Variants in CELF5 observed in about 807,000 individuals in gnomAD.
CELF5 encodes CUGBP Elav-like family member 5.
Under a neutral mutation model 54.9 loss-of-function variants are expected in CELF5, and 6 were observed. The ratio of observed to expected loss-of-function variants is 0.11; its 90% CI spans 0.06 to 0.22. The LOEUF is 0.22. Ranked by LOEUF, CELF5 falls within the 10% of genes least tolerant of loss-of-function variation. CELF5 has a pLI of 1.00. For synonymous variants in CELF5, 271 were observed against 290.9 expected (o/e 0.93, Z 0.70); for missense variants, 401 against 678.6 (o/e 0.59, Z 4.54).
intron 10 of CELF5, chr19:3,286,760 C>T (rs1376852292): frequency 7.3e-6 from 1 of 136,920 alleles, no homozygotes; most frequent in Non-Finnish European, 1.5e-5. Flanking sequence ...AAAGGCCGGG[C>T]ACGGTGGCTC....
chr19:3,245,899 CTAACA>C (rs1370154799), intron 1 of CELF5, among the ~76,000 whole-genome samples: 1 of 152,156 alleles, frequency 6.6e-6, no homozygotes, highest in Non-Finnish European at 1.5e-5. Flanking sequence ...ACCTTAATGA[CTAACA>C]TTTAAAAGGT....
chr19:3,255,786 C>T (rs2079716256), intron 2 of CELF5, among the ~76,000 whole-genome samples: 1 of 152,082 alleles, frequency 6.6e-6, no homozygotes, highest in Non-Finnish European at 1.5e-5. Flanking sequence ...GAAGGTGGGT[C>T]AGGCGCGGTG....
chr19:3,257,127 A>T (rs2079739031), intron 2 of CELF5, among the ~76,000 whole-genome samples: 1 of 152,116 alleles, frequency 6.6e-6, no homozygotes, highest in Non-Finnish European at 1.5e-5. Flanking sequence ...AGTTCCATTT[A>T]GACAGGGTGG....
chr19:3,296,144 A>G (rs2080439542), intron 12 of CELF5: 1 of 150,264 alleles, frequency 6.7e-6, no homozygotes, highest in Non-Finnish European at 1.5e-5. Context: ...ACCACAATGG[A>G]TTTTTGTTTC....
intron 2 of CELF5, among the ~76,000 whole-genome samples, chr19:3,262,186 G>A (rs1370591049): frequency 2.6e-5 from 4 of 151,842 alleles, no homozygotes; most frequent in Middle Eastern, 3.4e-3. Flanking sequence ...AGGCACGCAC[G>A]CCCAGCTAAT....
intron 1 of CELF5, among the ~76,000 whole-genome samples, chr19:3,233,382 A>G (rs1331915074): frequency 6.6e-6 from 1 of 152,244 alleles, no homozygotes; most frequent in African/African-American, 2.4e-5. Context: ...GGTAGGAGAG[A>G]CTGACGATAA....
intron 1 of CELF5, among the ~76,000 whole-genome samples, chr19:3,249,505 C>T (rs959021497): frequency 6.6e-6 from 1 of 151,900 alleles, no homozygotes; most frequent in Non-Finnish European, 1.5e-5. Context: ...CCTCGCTTCC[C>T]ACCCTCCGAT....
intron 1 of CELF5, among the ~76,000 whole-genome samples, chr19:3,239,328 A>G (rs1379919271): frequency 6.6e-6 from 1 of 150,560 alleles, no homozygotes; most frequent in Non-Finnish European, 1.5e-5. Flanking sequence ...CAAACTCCTG[A>G]GCTCAAGCAA....
chr19:3,253,039 C>T (rs1240247190), intron 2 of CELF5, among the ~76,000 whole-genome samples: 1 of 151,826 alleles, frequency 6.6e-6, no homozygotes, highest in East Asian at 1.9e-4. Context: ...CCTGAATTCA[C>T]TGTTCATCTT....
intron 1 of CELF5, among the ~76,000 whole-genome samples, chr19:3,247,823 G>A (rs1170927578): frequency 6.6e-6 from 1 of 152,056 alleles, no homozygotes; most frequent in Non-Finnish European, 1.5e-5. Flanking sequence ...GTGCAGTGGC[G>A]TGATCTTGGC....
rs2080164660 is a variant in CELF5 at position 3,282,242 on chromosome 19, T to C, written c.867T>C (p.Pro289=). 1 of 1,613,150 alleles carries C rather than the reference T, an allele frequency of 6.2e-7. No homozygotes were observed. Among genetic ancestry groups the C allele is most frequent in the Admixed American group, 1.7e-5 (1 of 59,998 alleles). ...GCGCCGTCAGCCTCAACGGGCTGCC[T>C]GCCACACCCATCGCTCCTGCCTCTG... ...QIGAVSLNGL[P]ATPIAPASGL... The change falls in exon 7 of 13, where the codon CCT becomes CCC. Residue 289 remains proline, a synonymous_variant. Coordinates refer to ENST00000292672, the MANE Select transcript of CELF5 (RefSeq NM_021938.4). This position sits in a 1 kb window ranked among gnomAD's most constrained non-coding sequence, Gnocchi z 5.2.
At chr19:3,290,055 G>T (rs895520497) in intron 10 of CELF5, among the ~76,000 whole-genome samples, 176 bp from the exon 11 acceptor site, 9 of 152,094 alleles carry the variant, frequency 5.9e-5, no homozygotes, top group African/African-American at 1.9e-4. Flanking sequence ...CAAGGGGTGG[G>T]TGTGTCCCGT....
At chr19:3,249,863 C>T (rs931340432) in intron 1 of CELF5, among the ~76,000 whole-genome samples, 3 of 152,194 alleles carry the variant, frequency 2.0e-5, no homozygotes, top group Non-Finnish European at 4.4e-5. Flanking sequence ...GGCCTTCTTC[C>T]ATCTTTCTGG....
chr19:3,244,577 T>G (rs547676461), intron 1 of CELF5, among the ~76,000 whole-genome samples: 1 of 151,262 alleles, frequency 6.6e-6, no homozygotes, highest in South Asian at 2.1e-4. Context: ...GTGTGTGGTA[T>G]GTGCATGCAT....
rs777216343 is a variant in CELF5 at position 3,228,981 on chromosome 19, CT to C, written c.259+3984del. 1.7e-3 allele frequency among the ~76,000 whole-genome samples: 256 copies of C among 151,968 alleles called. No individual in the cohort carries two copies. The highest frequency in any genetic ancestry group is 2.5e-3 in the Non-Finnish European group (172 of 67,942). ...GTGTGGCTTCAAGCTGAGCGCGCCC[CT>C]CTCTGTGCCTCGTTTTCCCCTGCTG... On this transcript the variant is annotated intron_variant, in intron 1 of 12. Transcript: ENST00000292672. This position sits in a 1 kb window ranked among gnomAD's most constrained non-coding sequence, Gnocchi z 6.0.
chr19:3,277,907 TTC>T (rs2080082363), intron 4 of CELF5, 122 bp from the exon 5 acceptor site: 6 of 694,432 alleles, frequency 8.6e-6, no homozygotes, highest in Non-Finnish European at 1.5e-5. Flanking sequence ...CTGTTATCAG[TTC>T]TCTCTGGCTG....
chr19:3,243,976 C>T (rs973071992), intron 1 of CELF5, among the ~76,000 whole-genome samples: 2 of 151,956 alleles, frequency 1.3e-5, no homozygotes, highest in African/African-American at 4.8e-5. Flanking sequence ...ACCCCGTTTC[C>T]AAATAAAGTC....
intron 1 of CELF5, among the ~76,000 whole-genome samples, chr19:3,245,911 A>C (rs553300858): frequency 1.3e-5 from 2 of 152,326 alleles, no homozygotes; most frequent in Non-Finnish European, 2.9e-5. Context: ...AACATTTAAA[A>C]GGTTGGCAAA....
intron 2 of CELF5, among the ~76,000 whole-genome samples, chr19:3,259,412 A>G (rs1368546190): frequency 6.6e-6 from 1 of 151,744 alleles, no homozygotes; most frequent in Non-Finnish European, 1.5e-5. Context: ...GCCCCACCCC[A>G]GAAAGCAATT....
Sources: gnomAD v4.1 joint callset for allele counts (sites outside exome capture counted in the v4.1 genomes callset) on GRCh38, gnomAD v4.1.1 for gene constraint, Gnocchi (gnomAD v3.1) non-coding constraint, MANE v1.5 for transcripts, NCBI Gene and HGNC (gene_info 2026-07-23, HGNC 2026-07-21) for gene names.